MAML2: variants seen among roughly 807,000 people sequenced by gnomAD.
MAML2 encodes the protein mastermind-like protein 2.
In MAML2, 22 loss-of-function variants were observed where a neutral mutation model predicts 96.1. The observed-to-expected ratio is 0.23, with a 90% confidence interval of 0.16 to 0.33. The LOEUF is 0.33. Among genes scored for constraint, MAML2 ranks in the 10% least tolerant of loss-of-function variants. The pLI is 1.00. For synonymous variants in MAML2, 561 were observed against 521.3 expected (o/e 1.08, Z -1.04); for missense variants, 1,367 against 1,392.4 (o/e 0.98, Z 0.29).
At chr11:95,999,962 C>G (rs1013425764) in intron 2 of MAML2, among the ~76,000 whole-genome samples, 1 of 152,160 alleles carries the variant, frequency 6.6e-6, no homozygotes, top group Non-Finnish European at 1.5e-5. Context: ...TTCCTCTCGG[C>G]TATTCATCTT....
chr11:96,130,068 G>A (rs1268508165), intron 1 of MAML2, among the ~76,000 whole-genome samples: 1 of 152,182 alleles, frequency 6.6e-6, no homozygotes, highest in Non-Finnish European at 1.5e-5. Context: ...AAAATAATGG[G>A]CAGATAAAAT....
chr11:95,992,803 G>T (rs1183010350), intron 2 of MAML2, among the ~76,000 whole-genome samples: 1 of 152,074 alleles, frequency 6.6e-6, no homozygotes, highest in Non-Finnish European at 1.5e-5. Context: ...TACCTCCTTA[G>T]GTTATTCTGA....
At chr11:96,005,500 TTTTTTTC>T (rs1858165463) in intron 2 of MAML2, among the ~76,000 whole-genome samples, 1 of 152,100 alleles carries the variant, frequency 6.6e-6, no homozygotes, top group African/African-American at 2.4e-5. Context: ...ATAATTTGAT[TTTTTTTC>T]TCATTGAGTC....
At chr11:96,250,193 G>T (rs1384481627) in intron 1 of MAML2, among the ~76,000 whole-genome samples, 1 of 151,704 alleles carries the variant, frequency 6.6e-6, no homozygotes, top group Non-Finnish European at 1.5e-5. Context: ...ATCCATCTAG[G>T]CTTGGTAGAC....
At chr11:96,322,063 C>T (rs979129615) in intron 1 of MAML2, among the ~76,000 whole-genome samples, 1 of 152,006 alleles carries the variant, frequency 6.6e-6, no homozygotes, top group Non-Finnish European at 1.5e-5. Flanking sequence ...ATGTTTACAA[C>T]GAAGTTAAAG....
chr11:96,204,397 A>C (rs1235146746), intron 1 of MAML2, among the ~76,000 whole-genome samples: 3 of 152,232 alleles, frequency 2.0e-5, no homozygotes, highest in Admixed American at 2.0e-4. Context: ...AGACTAAGTA[A>C]TGTGCATTGA....
At chr11:96,225,746 T>G (rs928091648) in intron 1 of MAML2, among the ~76,000 whole-genome samples, 9 of 151,782 alleles carry the variant, frequency 5.9e-5, no homozygotes, top group African/African-American at 1.7e-4. Context: ...GGCAGGAGAC[T>G]CACTTGAATC....
intron 2 of MAML2, among the ~76,000 whole-genome samples, chr11:96,065,299 T>TA: frequency 6.6e-6 from 1 of 152,304 alleles, no homozygotes; most frequent in Middle Eastern, 3.4e-3. Context: ...TAGCAATTGT[T>TA]AGTTTCCATG....
At position 96,011,703 on chromosome 11, in the gene MAML2, A is replaced by ACC. The variant is rs1177894634; in HGVS notation, c.2140-19982_2140-19981dup. On this transcript the variant is annotated intron_variant, in intron 2 of 4. Coordinates refer to ENST00000524717, the MANE Select transcript of MAML2 (RefSeq NM_032427.4). ...AACCATGGAGCAAATCTGCACATGT[A>ACC]CCCCTTGAATCTAAAAACAAGCAAA... is the stretch of plus-strand genomic sequence containing the variant. Among the ~76,000 whole-genome samples, 5 of 152,284 alleles carry ACC rather than the reference A, an allele frequency of 3.3e-5. No homozygotes were observed. In the South Asian group the frequency reaches 1.0e-3, roughly 32 times the overall value.
intron 1 of MAML2, among the ~76,000 whole-genome samples, chr11:96,240,628 CTTA>C (rs1862425149): frequency 7.0e-6 from 1 of 143,862 alleles, no homozygotes; most frequent in South Asian, 2.3e-4. Context: ...ATTTAGTGGG[CTTA>C]TTATTATTTT....
chr11:96,302,511 CTAAAGA>C (rs1863399481), intron 1 of MAML2, among the ~76,000 whole-genome samples: 2 of 152,114 alleles, frequency 1.3e-5, no homozygotes, highest in Non-Finnish European at 2.9e-5. Flanking sequence ...CCAAGACATA[CTAAAGA>C]AACTCTCACT....
At chr11:96,306,664 A>T (rs1489329875) in intron 1 of MAML2, among the ~76,000 whole-genome samples, 1 of 152,202 alleles carries the variant, frequency 6.6e-6, no homozygotes, top group African/African-American at 2.4e-5. Context: ...GTCTAAATTG[A>T]AAAGAAACCT....
chr11:96,079,104 C>A (rs1202911167), intron 2 of MAML2, among the ~76,000 whole-genome samples: 2 of 152,208 alleles, frequency 1.3e-5, no homozygotes, highest in Non-Finnish European at 2.9e-5. Flanking sequence ...AAACCACCAA[C>A]ATATTTTCAG....
chr11:96,066,389 C>A (rs1029079201), intron 2 of MAML2, among the ~76,000 whole-genome samples: 1 of 152,162 alleles, frequency 6.6e-6, no homozygotes, highest in African/African-American at 2.4e-5. Context: ...ATCAAGGTCT[C>A]CATCCTCAAA....
At chr11:96,137,588 G>C (rs1056132083) in intron 1 of MAML2, among the ~76,000 whole-genome samples, 1 of 152,186 alleles carries the variant, frequency 6.6e-6, no homozygotes, top group Non-Finnish European at 1.5e-5. Context: ...TTGCCTTTCA[G>C]ATGGAAAAAG....
chr11:95,981,294 A>G, intron 4 of MAML2, among the ~76,000 whole-genome samples: 1 of 152,242 alleles, frequency 6.6e-6, no homozygotes, highest in East Asian at 1.9e-4. Context: ...CTGTGTAATA[A>G]GAGGCTCCAC....
chr11:96,076,325 T>A (rs1859434256), intron 2 of MAML2, among the ~76,000 whole-genome samples: 1 of 152,078 alleles, frequency 6.6e-6, no homozygotes, highest in Admixed American at 6.5e-5. Flanking sequence ...CCAGCTCCCC[T>A]CTTACTCTGT....
In MAML2 at chr11:96,088,253, T is replaced by C. The variant is rs1035065469; in HGVS notation, c.2139+3639A>G. 3.2e-4 allele frequency among the ~76,000 whole-genome samples: 49 copies of C among 152,184 alleles called. 1 individual carries two copies. On this transcript the variant is annotated intron_variant, in intron 2 of 4. Coordinates refer to ENST00000524717, the MANE Select transcript of MAML2 (RefSeq NM_032427.4). ...GTTTCAGTCATAACAAACCATCCATTCACTGGCTGCCTTCCCTCCAAGAAG... is the reference window on the plus strand; with the variant it reads ...GTTTCAGTCATAACAAACCATCCATCCACTGGCTGCCTTCCCTCCAAGAAG...
intron 1 of MAML2, among the ~76,000 whole-genome samples, chr11:96,166,432 T>G (rs1051165772): frequency 2.6e-5 from 4 of 152,210 alleles, no homozygotes; most frequent in African/African-American, 9.7e-5. Context: ...CTTATTTTCT[T>G]GTTTTCTTAT....
Sources: gnomAD v4.1 joint callset for allele counts (sites outside exome capture counted in the v4.1 genomes callset) on GRCh38, gnomAD v4.1.1 for gene constraint, MANE v1.5 for transcripts, NCBI Gene and HGNC (gene_info 2026-07-23, HGNC 2026-07-21) for gene names.